The following CDH11 variants were observed in gnomAD, a reference collection of about 807,000 sequenced individuals.
CDH11 encodes cadherin 11, also known as cadherin-11.
A neutral mutation model predicts 67.8 loss-of-function variants in CDH11; 11 were observed. The observed-to-expected ratio is 0.16, with a 90% CI of 0.10 to 0.27. The LOEUF is 0.27. Among genes scored for constraint, CDH11 ranks in the 10% least tolerant of loss-of-function variants. CDH11 has a pLI of 1.00. For missense variants in CDH11, 847 were observed against 1,031.2 expected (o/e 0.82, Z 2.45); for synonymous variants, 419 against 400.0 (o/e 1.05, Z -0.57).
rs1329572662 is a variant in CDH11 at position 65,003,309 on chromosome 16, G to T, written c.228+1333C>A. Among the ~76,000 whole-genome samples, 10 of 151,548 alleles carry T rather than the reference G, an allele frequency of 6.6e-5. No individual in the cohort carries two copies. In the East Asian group the frequency reaches 1.9e-3, roughly 29 times the overall value. ...GTCTCACTCTGTCTCCCAGGCTGGA[G>T]TACAGTGGCACATCTTGGCTTACTG... On this transcript the variant is annotated intron_variant, in intron 3 of 12. Transcript: ENST00000268603.
chr16:64,947,240 G>C lies in CDH11; in HGVS notation c.*363C>G. ...AACTGTTGTCCTTTCTAATTTTGTG[G>C]AAGCTTCTTTGACAACTTAAAAAAG... On this transcript the variant is annotated 3_prime_UTR_variant, in exon 13 of 13. Transcript: ENST00000268603. 9.1e-7 allele frequency: 1 copy of C among 1,103,458 alleles called. No individual in the cohort carries two copies. The highest frequency in any genetic ancestry group is 1.1e-6 in the Non-Finnish European group (1 of 901,706). 68.4% of individuals were successfully genotyped at this position (1,103,458 alleles called of 1,614,324 possible).
intron 1 of CDH11, among the ~76,000 whole-genome samples, chr16:65,083,139 C>T (rs763608009): frequency 5.3e-5 from 8 of 152,156 alleles, no homozygotes; most frequent in Non-Finnish European, 1.2e-4. Context: ...AATGAACACA[C>T]TGAAACACAG....
intron 1 of CDH11, among the ~76,000 whole-genome samples, chr16:65,086,932 G>T (rs1269466003): frequency 6.6e-6 from 1 of 152,146 alleles, no homozygotes; most frequent in Non-Finnish European, 1.5e-5. Context: ...AAAAGAAAGT[G>T]TATTTTAAAA....
intron 8 of CDH11, among the ~76,000 whole-genome samples, chr16:64,978,109 C>T (rs1405763604): frequency 6.6e-6 from 1 of 152,172 alleles, no homozygotes; most frequent in Non-Finnish European, 1.5e-5. Flanking sequence ...CCAGTGTGTG[C>T]TCAATGAAGG....
chr16:64,997,694 A>C (rs2072810334), intron 4 of CDH11, among the ~76,000 whole-genome samples: 1 of 152,206 alleles, frequency 6.6e-6, no homozygotes, highest in South Asian at 2.1e-4. Context: ...CTGGTGGAGA[A>C]GGAATATACC....
At chr16:65,062,027 T>C (rs867636740) in intron 1 of CDH11, among the ~76,000 whole-genome samples, 28 of 152,272 alleles carry the variant, frequency 1.8e-4, no homozygotes, top group African/African-American at 6.3e-4. Context: ...TTTGCATCTA[T>C]AGCAATTCAC....
chr16:64,969,481 G>A (rs2071941030), intron 11 of CDH11, among the ~76,000 whole-genome samples: 1 of 152,186 alleles, frequency 6.6e-6, no homozygotes, highest in Non-Finnish European at 1.5e-5. Context: ...GTGGCTAATA[G>A]TCATATGAGA....
intron 4 of CDH11, among the ~76,000 whole-genome samples, chr16:64,994,191 A>T (rs2072708649): frequency 6.6e-6 from 1 of 152,126 alleles, no homozygotes; most frequent in African/African-American, 2.4e-5. Flanking sequence ...CTCTTCTATA[A>T]TTCATTATTT....
intron 5 of CDH11, among the ~76,000 whole-genome samples, chr16:64,992,702 G>A (rs950154072): frequency 6.6e-5 from 10 of 152,248 alleles, no homozygotes; most frequent in Admixed American, 3.9e-4. Context: ...TTGGGTCATC[G>A]TGAAATATGG....
At chr16:65,028,667 A>C (rs2073580898) in intron 2 of CDH11, among the ~76,000 whole-genome samples, 1 of 152,122 alleles carries the variant, frequency 6.6e-6, no homozygotes, top group Admixed American at 6.6e-5. Context: ...CCTGCTACTG[A>C]TACATAATTC....
chr16:65,069,997 T>C (rs979382767), intron 1 of CDH11, among the ~76,000 whole-genome samples: 1 of 152,156 alleles, frequency 6.6e-6, no homozygotes, highest in African/African-American at 2.4e-5. Flanking sequence ...AGGAGAACTC[T>C]TGAGATTTGC....
At chr16:65,089,194 C>T (rs556862075) in intron 1 of CDH11, among the ~76,000 whole-genome samples, 1 of 152,172 alleles carries the variant, frequency 6.6e-6, no homozygotes, top group Admixed American at 6.5e-5. Flanking sequence ...TTTCCTGCAA[C>T]TGAAACAGCA....
intron 1 of CDH11, among the ~76,000 whole-genome samples, chr16:65,082,935 G>A (rs572596488): frequency 1.3e-5 from 2 of 152,212 alleles, no homozygotes; most frequent in South Asian, 4.1e-4. Flanking sequence ...GCACTGCAGG[G>A]GGATCACACG....
chr16:64,992,864 G>A (rs1360387719), intron 5 of CDH11, 51 bp downstream of exon 5: 3 of 1,586,670 alleles, frequency 1.9e-6, no homozygotes, highest in Non-Finnish European at 2.6e-6. Context: ...GGTCAGGCCT[G>A]GGACTTCTTA....
chr16:65,097,725 G>C (rs1244881374), intron 1 of CDH11, among the ~76,000 whole-genome samples: 2 of 152,132 alleles, frequency 1.3e-5, no homozygotes, highest in African/African-American at 4.8e-5. Context: ...CCTGTAATCA[G>C]TCCTATAACA....
chr16:65,054,499 C>A (rs1225964420), intron 1 of CDH11, among the ~76,000 whole-genome samples: 1 of 152,190 alleles, frequency 6.6e-6, no homozygotes. Context: ...CCCCTACCCA[C>A]AACACCACGT....
At chr16:65,041,284 A>G (rs2073863099) in intron 2 of CDH11, among the ~76,000 whole-genome samples, 2 of 152,196 alleles carry the variant, frequency 1.3e-5, no homozygotes, top group African/African-American at 4.8e-5. Flanking sequence ...CATGGGTACC[A>G]ACTGATTGAC....
At chr16:65,104,200 T>G (rs1003653420) in intron 1 of CDH11, among the ~76,000 whole-genome samples, 1 of 152,190 alleles carries the variant, frequency 6.6e-6, no homozygotes, top group Non-Finnish European at 1.5e-5. Context: ...AAGTGAAGCA[T>G]GACACCTTCA....
intron 1 of CDH11, among the ~76,000 whole-genome samples, chr16:65,077,172 A>ATAGG (rs1449236420): frequency 2.0e-5 from 3 of 152,364 alleles, no homozygotes; most frequent in Admixed American, 1.3e-4. Context: ...AATAGTAAAG[A>ATAGG]TACCTGCATG....
Sources: allele counts gnomAD v4.1 joint callset (sites outside exome capture counted in the v4.1 genomes callset), GRCh38; gene constraint gnomAD v4.1.1; transcripts MANE v1.5; gene names NCBI Gene and HGNC (gene_info 2026-07-23, HGNC 2026-07-21).